The following TRAK1 variants were observed in gnomAD, a reference collection of about 807,000 sequenced individuals.
TRAK1 encodes trafficking kinesin-binding protein 1.
Under a neutral mutation model 92.1 loss-of-function variants are expected in TRAK1, and 33 were observed. The ratio of observed to expected loss-of-function variants is 0.36; its 90% confidence interval spans 0.27 to 0.48. TRAK1 has a LOEUF of 0.48. TRAK1 is among the 20% of genes least tolerant of loss of function. TRAK1 has a pLI of 0.99. For synonymous variants in TRAK1, 521 were observed against 517.3 expected, an observed-to-expected ratio of 1.01 and a Z score of -0.10; for missense variants, 1,123 against 1,257.9, an observed-to-expected ratio of 0.89 and a Z score of 1.62.
chr3:42,217,661 T>C, intron 14 of TRAK1: 1 of 985,434 alleles, frequency 1.0e-6, no homozygotes, highest in Non-Finnish European at 1.2e-6. Flanking sequence ...TTTGATTTCT[T>C]TTAAATGTTA....
chr3:42,023,065 G>A lies in TRAK1; in HGVS notation c.-519+8948G>A, dbSNP rs1216117000. ...CCCAGCTACTCAGGAGGCTGAGGCAGGAGAATGGCGTGAACACGGGAGGCA... is the reference window on the plus strand; with the variant it reads ...CCCAGCTACTCAGGAGGCTGAGGCAAGAGAATGGCGTGAACACGGGAGGCA... On this transcript the variant is annotated intron_variant, in intron 1 of 16. Coordinates refer to the TRAK1 transcript ENST00000487159. 8.8e-5 allele frequency among the ~76,000 whole-genome samples: 13 copies of A among 148,278 alleles called. No homozygotes were observed. In the East Asian group the frequency reaches 2.4e-3, roughly 28 times the overall value.
chr3:42,156,241 C>G (rs548789275), intron 2 of TRAK1, among the ~76,000 whole-genome samples: 2 of 152,276 alleles, frequency 1.3e-5, no homozygotes, highest in African/African-American at 4.8e-5. Context: ...GGGAAGATGC[C>G]CTTTGGCCCA....
At position 42,091,523 on chromosome 3, in the gene TRAK1, A is replaced by G. The variant is rs770844991; in HGVS notation, c.54A>G (p.Gly18=). The G allele has an allele frequency of 1.4e-5, 23 of 1,613,004 alleles. No homozygotes were observed. In the Admixed American group the frequency reaches 3.9e-4, roughly 27 times the overall value. ...CCGTCAGGGCTCAGCCTCTGCCAGGACTCTGCCACGGCAAGCTCATTCGGA... is the reference window on the plus strand; with the variant it reads ...CCGTCAGGGCTCAGCCTCTGCCAGGGCTCTGCCACGGCAAGCTCATTCGGA... ...GQPVRAQPLP[G]LCHGKLIRTN... The change falls in exon 1 of 16, where the codon GGA becomes GGG. Residue 18 remains glycine, a synonymous_variant. Transcript: ENST00000327628.
intron 2 of TRAK1, among the ~76,000 whole-genome samples, chr3:42,175,827 C>T (rs1375180567): frequency 1.3e-5 from 2 of 152,294 alleles, no homozygotes; most frequent in South Asian, 2.1e-4. Flanking sequence ...TGACTCTTAA[C>T]AGAATTATTC....
At chr3:42,158,588 T>A (rs1269124266) in intron 2 of TRAK1, among the ~76,000 whole-genome samples, 1 of 116,396 alleles carries the variant, frequency 8.6e-6, no homozygotes, top group East Asian at 2.7e-4. Context: ...TTTTTTTTTT[T>A]TTTTGGCTAA....
intron 1 of TRAK1, among the ~76,000 whole-genome samples, chr3:42,030,493 T>C (rs1187025364): frequency 1.3e-5 from 2 of 150,054 alleles, no homozygotes; most frequent in Non-Finnish European, 3.0e-5. Context: ...CCCAACGTGA[T>C]GAAACCCCAT....
At chr3:42,088,417 G>T (rs1704801059), upstream of TRAK1, among the ~76,000 whole-genome samples, 1 of 152,090 alleles carries the variant, frequency 6.6e-6, no homozygotes. Context: ...TCTCCCACTT[G>T]CCTGCCCCCT....
chr3:42,103,011 T>A (rs1390587540), intron 1 of TRAK1, among the ~76,000 whole-genome samples: 1 of 152,172 alleles, frequency 6.6e-6, no homozygotes, highest in East Asian at 1.9e-4. Context: ...AAGTGTATAA[T>A]TTAGTGGTTT....
intron 2 of TRAK1, among the ~76,000 whole-genome samples, chr3:42,156,191 G>T (rs1288339306): frequency 6.6e-6 from 1 of 152,238 alleles, no homozygotes; most frequent in Non-Finnish European, 1.5e-5. Context: ...GTCTTTGGGG[G>T]TTGTGTTTTG....
At chr3:42,175,848 T>A (rs1452097536) in intron 2 of TRAK1, among the ~76,000 whole-genome samples, 1 of 152,236 alleles carries the variant, frequency 6.6e-6, no homozygotes, top group Admixed American at 6.5e-5. Context: ...ACTGAAGTCT[T>A]AGTTACAAAA....
At chr3:42,153,502 C>G (rs1044849876) in intron 2 of TRAK1, among the ~76,000 whole-genome samples, 3 of 152,182 alleles carry the variant, frequency 2.0e-5, no homozygotes, top group Non-Finnish European at 4.4e-5. Flanking sequence ...TCTCCATCCC[C>G]GCTCACCTCC....
rs1553755648 is a variant in TRAK1 at position 42,192,474 on chromosome 3, T to TATTTTGCATTTCGTCAAAGTACC, written c.770-600_770-599insTTTTGCATTTCGTCAAAGTACCA. Among the ~76,000 whole-genome samples the TATTTTGCATTTCGTCAAAGTACC allele has an allele frequency of 9.6e-4, 127 of 131,874 alleles. 1 individual carries two copies. The highest frequency in any genetic ancestry group is 1.6e-3 in the Non-Finnish European group (99 of 63,302). The allele number at this position is 131,874 out of a possible 152,430, so 86.5% of individuals were successfully genotyped here. ...AGTATTTTGCATTTCGTCAAAGTACTAAGTATTTTGCATTTCGTCAAAGTA... is the reference window on the plus strand; with the variant it reads ...AGTATTTTGCATTTCGTCAAAGTACTATTTTGCATTTCGTCAAAGTACCAAGTATTTTGCATTTCGTCAAAGTA... On this transcript the variant is annotated intron_variant, in intron 7 of 15. Transcript: ENST00000327628.
chr3:42,047,584 C>G lies in TRAK1; in HGVS notation c.-519+33467C>G, dbSNP rs558218706. ...TTTTTCTAATTTCTGTCCCACACTT[C>G]TAGGTTTGGCATTAATTAGGTAAAG... On this transcript the variant is annotated intron_variant, in intron 1 of 16. Coordinates refer to the TRAK1 transcript ENST00000487159. Among the ~76,000 whole-genome samples, 4 of 152,252 alleles carry G rather than the reference C, an allele frequency of 2.6e-5. No homozygotes were observed. In the South Asian group the frequency reaches 8.3e-4, roughly 32 times the overall value.
upstream of TRAK1, among the ~76,000 whole-genome samples, chr3:42,084,747 C>A (rs1468792343): frequency 6.6e-6 from 1 of 151,494 alleles, no homozygotes; most frequent in Non-Finnish European, 1.5e-5. Context: ...AGTGAGGCAG[C>A]TTATCCATTC....
At chr3:42,149,663 G>A in intron 2 of TRAK1, 5 of 1,534,298 alleles carry the variant, frequency 3.3e-6, no homozygotes, top group South Asian at 1.2e-5. Context: ...TCTGGGTGGG[G>A]GGTGTCCTGA....
At chr3:42,160,661 A>T (rs1234149113) in intron 2 of TRAK1, among the ~76,000 whole-genome samples, 4 of 151,688 alleles carry the variant, frequency 2.6e-5, no homozygotes. Context: ...CCCAGAGAAC[A>T]GCATTTCCAG....
intron 1 of TRAK1, among the ~76,000 whole-genome samples, chr3:42,071,521 A>G (rs1703929210): frequency 6.6e-6 from 1 of 152,104 alleles, no homozygotes; most frequent in South Asian, 2.1e-4. Context: ...CAGCCTGGCC[A>G]ACATGGTGAA....
At chr3:42,053,649 C>G (rs933551248) in intron 1 of TRAK1, among the ~76,000 whole-genome samples, 7 of 152,114 alleles carry the variant, frequency 4.6e-5, no homozygotes, top group African/African-American at 1.7e-4. Context: ...ACACCCAGGA[C>G]CTGCCCGAGC....
chr3:42,183,568 A>AAAAAAAAAAAT (rs1553751625), intron 3 of TRAK1, among the ~76,000 whole-genome samples: 1 of 145,220 alleles, frequency 6.9e-6, no homozygotes, highest in Non-Finnish European at 1.5e-5. Context: ...AAAAAAAAAA[A>AAAAAAAAAAAT]AAAGAAAGAA....
Sources: allele counts gnomAD v4.1 joint callset (sites outside exome capture counted in the v4.1 genomes callset), GRCh38; gene constraint gnomAD v4.1.1; transcripts MANE v1.5; gene names NCBI Gene and HGNC (gene_info 2026-07-23, HGNC 2026-07-21).